Variants in NUGGC observed in about 807,000 individuals in gnomAD.
The protein encoded by NUGGC is nuclear GTPase, germinal center associated.
Under a neutral mutation model 92.6 loss-of-function variants are expected in NUGGC, and 58 were observed. That is an observed-to-expected ratio of 0.63 (90% CI 0.51 to 0.78). The LOEUF (loss-of-function observed/expected upper bound fraction) is 0.78. Among genes scored for constraint, NUGGC ranks in the 30% least tolerant of loss-of-function variants. The probability of loss-of-function intolerance (pLI) is 0.00; values close to 1 mark genes in which losing one functional copy is unlikely to be tolerated. For missense variants in NUGGC, 925 were observed against 964.6 expected, an observed-to-expected ratio of 0.96 and a Z score of 0.54; for synonymous variants, 376 against 366.4, an observed-to-expected ratio of 1.03 and a Z score of -0.30.
intron 10 of NUGGC, among the ~76,000 whole-genome samples, chr8:28,055,062 G>T (rs1358314154): frequency 6.6e-6 from 1 of 151,378 alleles, no homozygotes; most frequent in African/African-American, 2.4e-5. Context: ...TGACCAGCCT[G>T]GTCAACATGG....
chr8:28,074,104 CT>C (rs746696076), intron 2 of NUGGC, among the ~76,000 whole-genome samples: 11,894 of 139,864 alleles, frequency 0.085, 469 homozygotes, highest in African/African-American at 0.1. Flanking sequence ...CAGCCTGGAA[CT>C]TTTTTTTTTT....
chr8:28,035,459 T>G (rs1809530817), intron 13 of NUGGC, among the ~76,000 whole-genome samples: 1 of 152,162 alleles, frequency 6.6e-6, no homozygotes, highest in Non-Finnish European at 1.5e-5. Flanking sequence ...CTGGAGGATC[T>G]GCTTCCAAAG....
chr8:28,039,883 A>G (rs1203116612), intron 13 of NUGGC, among the ~76,000 whole-genome samples: 1 of 152,158 alleles, frequency 6.6e-6, no homozygotes, highest in Non-Finnish European at 1.5e-5. Context: ...GTGTTTGGAG[A>G]CACAGCTGGT....
intron 8 of NUGGC, 32 bp downstream of exon 8, chr8:28,060,394 G>A (rs1241607698): frequency 5.0e-6 from 8 of 1,608,938 alleles, no homozygotes; most frequent in East Asian, 2.2e-5. Context: ...CCCCTGACTG[G>A]AGCCCACATC....
intron 13 of NUGGC, among the ~76,000 whole-genome samples, chr8:28,034,294 G>T (rs1809498808): frequency 6.6e-6 from 1 of 152,070 alleles, no homozygotes; most frequent in African/African-American, 2.4e-5. Context: ...AAAATATAAA[G>T]CTAGACCTAT....
intron 5 of NUGGC, 137 bp downstream of exon 5, chr8:28,068,079 G>C: frequency 1.6e-6 from 1 of 616,428 alleles, no homozygotes. Context: ...AAAAAAGGAA[G>C]AGAAGGAAGA....
chr8:28,034,897 C>T (rs1487714299), intron 13 of NUGGC, among the ~76,000 whole-genome samples: 3 of 152,194 alleles, frequency 2.0e-5, no homozygotes, highest in Non-Finnish European at 2.9e-5. Flanking sequence ...TTTTACCTCT[C>T]TCTTGTTCTT....
At chr8:28,044,457 G>A (rs1028603793) in intron 12 of NUGGC, among the ~76,000 whole-genome samples, 1 of 152,136 alleles carries the variant, frequency 6.6e-6, no homozygotes, top group Admixed American at 6.6e-5. Flanking sequence ...GAAAGGCTTC[G>A]GGGTGCCCTG....
chr8:28,023,087 AAT>A lies in NUGGC; in HGVS notation c.*228_*229del. 1 of 381,546 alleles carries A rather than the reference AAT, an allele frequency of 2.6e-6. No homozygotes were observed. The highest frequency in any genetic ancestry group is 4.6e-6 in the Non-Finnish European group (1 of 215,160). 23.6% of individuals were successfully genotyped at this position (381,546 alleles called of 1,614,324 possible). A position where few individuals can be genotyped will look rare whatever the true frequency, so the allele number is the denominator to read the frequency against. ...TCTGTCTCAAAAAAAAAAAAAAAAA[AAT>A]TACCCAGGTGTGGTGGCCTGTACCT... On this transcript the variant is annotated 3_prime_UTR_variant, in exon 19 of 19. Coordinates refer to ENST00000413272, the MANE Select transcript of NUGGC (RefSeq NM_001010906.2).
At position 28,022,074 on chromosome 8, in the gene NUGGC, T is replaced by C. The variant is rs1809129879; in HGVS notation, c.*1243A>G. The C allele has an allele frequency of 6.6e-6, 1 of 151,892 alleles. No individual in the cohort carries two copies. Among genetic ancestry groups the C allele is most frequent in the Non-Finnish European group, 1.5e-5 (1 of 68,068 alleles). 9.4% of individuals were successfully genotyped at this position (151,892 alleles called of 1,614,324 possible). A position where few individuals can be genotyped will look rare whatever the true frequency, so the allele number is the denominator to read the frequency against. ...GAATTTCTTTTTATGGCTTGTTTTATATCGTGCAATGTTTTTTCTATAATG... is the reference window on the plus strand; with the variant it reads ...GAATTTCTTTTTATGGCTTGTTTTACATCGTGCAATGTTTTTTCTATAATG... On this transcript the variant is annotated 3_prime_UTR_variant, in exon 19 of 19. Coordinates refer to ENST00000413272, the MANE Select transcript of NUGGC (RefSeq NM_001010906.2).
At chr8:28,057,348 T>TC (rs397950721) in intron 9 of NUGGC, among the ~76,000 whole-genome samples, 1 of 133,476 alleles carries the variant, frequency 7.5e-6, no homozygotes, top group African/African-American at 3.0e-5. Flanking sequence ...TTTTTTTTTT[T>TC]GTTGTTGTTG....
At chr8:28,030,599 C>G (rs1809392760) in intron 15 of NUGGC, among the ~76,000 whole-genome samples, 181 bp from the exon 16 acceptor site, 1 of 152,198 alleles carries the variant, frequency 6.6e-6, no homozygotes, top group South Asian at 2.1e-4. Flanking sequence ...TTCTAAGCAT[C>G]TTTATACCCC....
chr8:28,078,347 G>A (rs1268269393), intron 1 of NUGGC, among the ~76,000 whole-genome samples: 1 of 152,130 alleles, frequency 6.6e-6, no homozygotes, highest in Non-Finnish European at 1.5e-5. Flanking sequence ...GAGGACAGAA[G>A]AAAATAAACA....
intron 12 of NUGGC, among the ~76,000 whole-genome samples, chr8:28,043,527 T>G (rs749239697): frequency 6.6e-6 from 1 of 152,226 alleles, no homozygotes; most frequent in Non-Finnish European, 1.5e-5. Flanking sequence ...CAAGGAATTT[T>G]GAGCAAAGTT....
Position 28,031,461 on chromosome 8 carries a change from C to T in NUGGC, c.1770-80G>A, listed in dbSNP as rs1412170053. Reference sequence around the variant, plus strand: ...AAACAAACACGAAACTAGCTGGTGTCCTTTTATTCATTTAAGAGAAGGAAG... The same window carrying T: ...AAACAAACACGAAACTAGCTGGTGTTCTTTTATTCATTTAAGAGAAGGAAG... On this transcript the variant is annotated intron_variant, in intron 14 of 18. Coordinates refer to ENST00000413272, the MANE Select transcript of NUGGC (RefSeq NM_001010906.2). 7 of 1,339,250 alleles carry T rather than the reference C, an allele frequency of 5.2e-6. No homozygotes were observed. The African/African-American group carries it at 7.3e-5, about 14-fold the overall frequency. 83.0% of individuals were successfully genotyped at this position (1,339,250 alleles called of 1,614,324 possible).
At position 28,023,224 on chromosome 8, in the gene NUGGC, G is replaced by T; in HGVS notation, c.*93C>A. ...CTGCACTCCAGCCTGGGCAACAGAG[G>T]TAGATAGATCTTGTCTCTTAAGAAC... On this transcript the variant is annotated 3_prime_UTR_variant, in exon 19 of 19. Transcript: ENST00000413272. 7.2e-7 allele frequency: 1 copy of T among 1,380,988 alleles called. No individual in the cohort carries two copies. The highest frequency in any genetic ancestry group is 9.8e-7 in the Non-Finnish European group (1 of 1,022,070). 85.5% of individuals were successfully genotyped at this position (1,380,988 alleles called of 1,614,324 possible).
chr8:28,031,194 G>A (rs778459817), intron 15 of NUGGC, 49 bp downstream of exon 15: 1 of 1,609,290 alleles, frequency 6.2e-7, no homozygotes, highest in South Asian at 1.1e-5. Context: ...GGCCTGGGAA[G>A]AAAGCCATGC....
At chr8:28,062,942 C>T (rs1810343124) in intron 7 of NUGGC, among the ~76,000 whole-genome samples, 1 of 152,196 alleles carries the variant, frequency 6.6e-6, no homozygotes, top group Non-Finnish European at 1.5e-5. Flanking sequence ...AACTGCCAGA[C>T]TTAGGAGTAG....
chr8:28,082,684 C>G (rs965803476), intron 1 of NUGGC, among the ~76,000 whole-genome samples: 1 of 152,158 alleles, frequency 6.6e-6, no homozygotes, highest in Non-Finnish European at 1.5e-5. Flanking sequence ...GAGAGGGGAT[C>G]CCTTGGGCCC....
Sources: allele counts gnomAD v4.1 joint callset (sites outside exome capture counted in the v4.1 genomes callset), GRCh38; gene constraint gnomAD v4.1.1; transcripts MANE v1.5; gene names NCBI Gene and HGNC (gene_info 2026-07-23, HGNC 2026-07-21).